Variants in TACC2 observed in about 807,000 individuals in gnomAD.
TACC2 encodes transforming acidic coiled-coil containing protein 2.
In TACC2, 137 loss-of-function variants were observed where a neutral mutation model predicts 227.3. That is an observed-to-expected ratio of 0.60 (90% CI 0.52 to 0.69). TACC2 has a LOEUF of 0.69. TACC2 is among the 30% of genes least tolerant of loss of function. TACC2 has a pLI of 0.00. For synonymous variants in TACC2, 1,523 were observed against 1,487.5 expected, an observed-to-expected ratio of 1.02 and a Z score of -0.55; for missense variants, 3,470 against 3,694.4, an observed-to-expected ratio of 0.94 and a Z score of 1.57.
chr10:122,175,553 G>T (rs750960794), intron 7 of TACC2, among the ~76,000 whole-genome samples: 1 of 152,112 alleles, frequency 6.6e-6, no homozygotes, highest in South Asian at 2.1e-4. Context: ...TCAAAATTAT[G>T]TGAATTTTTA....
At chr10:122,236,707 T>G (rs1327857140) in intron 16 of TACC2, among the ~76,000 whole-genome samples, 1 of 152,246 alleles carries the variant, frequency 6.6e-6, no homozygotes, top group Non-Finnish European at 1.5e-5. Flanking sequence ...CAGGGTCTAA[T>G]CAGCAGATGT....
rs1480646280 is a variant in TACC2 at position 122,083,091 on chromosome 10, AC to A, written c.593del (p.Pro198LeufsTer12). The A allele has an allele frequency of 6.2e-7, 1 of 1,612,972 alleles. No homozygotes were observed. ...FSFSSGIDQS[P>X]GMSPVPLREP... ...CCTTCTCCAGTGGCATCGACCAGTC[AC>A]CTGGAATGTCGCCAGTACCCCTCAG... On this transcript the variant is annotated frameshift_variant, in exon 4 of 23. Transcript: ENST00000369005. LOFTEE classifies it high-confidence loss of function.
chr10:122,115,692 G>A (rs2084573065), intron 5 of TACC2, among the ~76,000 whole-genome samples: 1 of 152,212 alleles, frequency 6.6e-6, no homozygotes, highest in Non-Finnish European at 1.5e-5. Flanking sequence ...GATGAGACTG[G>A]AAGAGAATGA....
At chr10:122,181,912 G>C (rs146728347) in intron 7 of TACC2, among the ~76,000 whole-genome samples, 43 of 152,286 alleles carry the variant, frequency 2.8e-4, no homozygotes, top group African/African-American at 1.0e-3. Context: ...TTAGAAGAAA[G>C]GAACAAAAGA....
At chr10:122,048,152 G>A (rs973123335) in intron 2 of TACC2, among the ~76,000 whole-genome samples, 7 of 152,176 alleles carry the variant, frequency 4.6e-5, no homozygotes, top group African/African-American at 9.7e-5. Flanking sequence ...CTGCAGAAAC[G>A]TCAAGATTAA....
chr10:122,195,477 TG>T (rs2094536163), intron 8 of TACC2, among the ~76,000 whole-genome samples: 1 of 152,162 alleles, frequency 6.6e-6, no homozygotes, highest in African/African-American at 2.4e-5. Context: ...CTTGGCCCCT[TG>T]CTCTTTTAAG....
chr10:122,171,961 G>A (rs2093495339), intron 7 of TACC2, among the ~76,000 whole-genome samples: 1 of 152,198 alleles, frequency 6.6e-6, no homozygotes, highest in Admixed American at 6.5e-5. Context: ...CAAGGAAGGT[G>A]GGTGTTTACT....
At chr10:122,165,550 T>G (rs1339563783) in intron 7 of TACC2, among the ~76,000 whole-genome samples, 1 of 152,202 alleles carries the variant, frequency 6.6e-6, no homozygotes, top group African/African-American at 2.4e-5. Flanking sequence ...TAGCTGTGCC[T>G]TTTTGGATAA....
rs757927053 is a variant in TACC2, at chr10:122,211,503, C to T, written c.7078C>T (p.Pro2360Ser). 2.5e-6 allele frequency: 4 copies of T among 1,613,590 alleles called. No individual in the cohort carries two copies. The highest frequency in any genetic ancestry group is 2.5e-6 in the Non-Finnish European group (3 of 1,179,894). ...TTCCACCTCAAAAATGCAGGAGTCT[C>T]CCAAACTGCCCCAACAATCATACAA... is the stretch of plus-strand genomic sequence containing the variant. ...FSSTSKMQES[P>S]KLPQQSYNFD... The change falls in exon 9 of 23, where the codon CCC (proline) becomes TCC (serine). Residue 2360 changes from proline to serine, a missense_variant. Transcript: ENST00000369005.
rs1183510976 is a variant in TACC2 at position 122,087,906 on chromosome 10, A to C, written c.5406A>C (p.Glu1802Asp). Residue 1802 changes from glutamate to aspartate, a missense_variant, in exon 4 of 23, where the codon GAA (glutamate) becomes GAC (aspartate). By Grantham distance (45) the Glu-to-Asp change is conservative. Around this residue, in one of 10 missense-constraint regions of TACC2, gnomAD observed 1,924 missense variants for 1,978.3 expected, o/e 0.97. Transcript: ENST00000369005. Reference sequence around the variant, plus strand: ...TCTCCTCACCTCCAGAGCCTGACGAAACTCACGACCCGAAGCTGCAACATT... The same window carrying C: ...TCTCCTCACCTCCAGAGCCTGACGACACTCACGACCCGAAGCTGCAACATT... ...VCVSSPPEPD[E>D]THDPKLQHLA... 6.6e-7 allele frequency: 1 copy of C among 1,512,360 alleles called. No individual in the cohort carries two copies. Among genetic ancestry groups the C allele is most frequent in the East Asian group, 2.3e-5 (1 of 43,880 alleles). 93.7% of individuals were successfully genotyped at this position (1,512,360 alleles called of 1,614,324 possible).
chr10:122,241,750 G>A (rs879768904), intron 18 of TACC2: 35 of 598,352 alleles, frequency 5.8e-5, no homozygotes, highest in Non-Finnish European at 1.0e-4. Flanking sequence ...TTAGTGGGCA[G>A]TGAGGGATGT....
At chr10:122,113,855 C>G (rs1105762) in intron 5 of TACC2, among the ~76,000 whole-genome samples, 1,741 of 152,352 alleles carry the variant, frequency 0.011, 27 homozygotes, top group African/African-American at 0.04. Context: ...TGGCTCCCGC[C>G]GCAGAGTGCG....
chr10:122,140,401 T>C (rs1323892646), intron 6 of TACC2, among the ~76,000 whole-genome samples: 3 of 152,212 alleles, frequency 2.0e-5, no homozygotes, highest in African/African-American at 4.8e-5. Context: ...TCCAAAAATA[T>C]AAACACTCTA....
Position 122,050,813 on chromosome 10 carries a change from T to C in TACC2, c.146+263T>C, listed in dbSNP as rs2075590634. ...CTTCCATTCCAGCCACACTCCAGAGTATCTTCATTGTCAGAACTTAAAATG... is the reference window on the plus strand; with the variant it reads ...CTTCCATTCCAGCCACACTCCAGAGCATCTTCATTGTCAGAACTTAAAATG... On this transcript the variant is annotated intron_variant, in intron 3 of 22. Coordinates refer to ENST00000369005, the MANE Select transcript of TACC2 (RefSeq NM_206862.4). The surrounding 1 kb of genome is among the most constrained non-coding windows in gnomAD (Gnocchi z 4.6). 2 of 452,770 alleles carry C rather than the reference T, an allele frequency of 4.4e-6. No homozygotes were observed. Among genetic ancestry groups the C allele is most frequent in the South Asian group, 3.5e-5 (1 of 28,964 alleles). 28.0% of individuals were successfully genotyped at this position (452,770 alleles called of 1,614,324 possible).
chr10:122,125,486 C>T (rs1457307805), intron 5 of TACC2, among the ~76,000 whole-genome samples: 1 of 152,194 alleles, frequency 6.6e-6, no homozygotes, highest in Non-Finnish European at 1.5e-5. Flanking sequence ...AGGCATGAGC[C>T]ACCATGCCCG....
rs1356961017 is a variant in TACC2 at position 122,088,556 on chromosome 10, T to G, written c.5538T>G (p.Thr1846=). The G allele has an allele frequency of 6.2e-7, 1 of 1,613,640 alleles. No homozygotes were observed. Among genetic ancestry groups the G allele is most frequent in the African/African-American group, 1.3e-5 (1 of 74,886 alleles). ...KDAPRVMDKV[T]SDETRGAEGT... ...CTCCAAGAGTCATGGATAAAGTCAC[T>G]TCAGATGAGACCAGAGGTGCGGAAG... The change falls in exon 5 of 23, where the codon ACT becomes ACG. Residue 1846 remains threonine, a synonymous_variant. Transcript: ENST00000369005.
At position 122,216,618 on chromosome 10, in the gene TACC2, T is replaced by C. The variant is rs763360685; in HGVS notation, c.7345-9T>C. 4.3e-6 allele frequency: 7 copies of C among 1,612,006 alleles called. No individual in the cohort carries two copies. In the African/African-American group the frequency reaches 6.7e-5, roughly 15 times the overall value. On this transcript the variant is annotated splice_polypyrimidine_tract_variant and intron_variant, in intron 10 of 22. Transcript: ENST00000369005. ...ATGAGACAAGAAACAGTTTCTCTTC[T>C]CTTTGCAGGACCCCACCCCAGCTGC...
chr10:122,241,453 G>C (rs1009520993), intron 18 of TACC2, among the ~76,000 whole-genome samples: 4 of 152,004 alleles, frequency 2.6e-5, no homozygotes, highest in African/African-American at 4.8e-5. Flanking sequence ...CACCACACCT[G>C]GTTAATTTTG....
intron 5 of TACC2, among the ~76,000 whole-genome samples, chr10:122,107,452 G>T (rs1477046071): frequency 6.6e-6 from 1 of 152,006 alleles, no homozygotes; most frequent in Non-Finnish European, 1.5e-5. Context: ...AGCCAGGTGT[G>T]GTGTCAGGTG....
Sources: gnomAD v4.1 joint callset for allele counts (sites outside exome capture counted in the v4.1 genomes callset) on GRCh38, gnomAD v4.1.1 for gene constraint, gnomAD v4.1.1 regional missense constraint, Gnocchi (gnomAD v3.1) non-coding constraint, MANE v1.5 for transcripts, NCBI Gene and HGNC (gene_info 2026-07-23, HGNC 2026-07-21) for gene names.